HDAC5: variants seen among roughly 807,000 people sequenced by gnomAD.
HDAC5 encodes the protein histone deacetylase 5.
Under a neutral mutation model 133.3 loss-of-function variants are expected in HDAC5, and 25 were observed. The ratio of observed to expected loss-of-function variants is 0.19; its 90% CI spans 0.14 to 0.26. The LOEUF (loss-of-function observed/expected upper bound fraction) is 0.26, where lower values mean the gene tolerates loss of function less well. HDAC5 is among the 10% of genes least tolerant of loss of function. The pLI, the probability that HDAC5 is intolerant of heterozygous loss-of-function variation, is 1.00. For synonymous variants in HDAC5, 589 were observed against 610.8 expected (o/e 0.96, Z 0.53); for missense variants, 1,041 against 1,460.5 (o/e 0.71, Z 4.68).
At chr17:44,120,814 C>G (rs1039909730) in intron 1 of HDAC5, among the ~76,000 whole-genome samples, 3 of 151,938 alleles carry the variant, frequency 2.0e-5, no homozygotes, top group African/African-American at 7.2e-5. Flanking sequence ...TATCTTGACC[C>G]CTCCTGACCA....
intron 3 of HDAC5, among the ~76,000 whole-genome samples, chr17:44,094,951 G>A (rs940230104): frequency 2.0e-5 from 3 of 151,966 alleles, no homozygotes; most frequent in Admixed American, 6.6e-5. Context: ...GCATGCCAAT[G>A]CACCAGGCTA....
intron 3 of HDAC5, among the ~76,000 whole-genome samples, chr17:44,100,375 TG>T (rs1185278682): frequency 4.6e-5 from 7 of 151,958 alleles, no homozygotes; most frequent in Admixed American, 3.9e-4. Context: ...TGGCACAGTG[TG>T]GACCTGCCTG....
intron 3 of HDAC5, among the ~76,000 whole-genome samples, chr17:44,095,775 AG>A (rs1336170072): frequency 6.6e-6 from 1 of 152,212 alleles, no homozygotes; most frequent in South Asian, 2.1e-4. Flanking sequence ...AGGAAAGGAA[AG>A]GGAATCAGAC....
rs761363392 is a variant in HDAC5 at position 44,078,597 on chromosome 17, C to T, written c.3232G>A (p.Gly1078Ser). ...LGRSLREAQAGETEEAETVSA... is the reference protein window; with the variant it reads ...LGRSLREAQASETEEAETVSA... ...ACAGTCTCGGCCTCCTCGGTCTCAC[C>T]TGCTTGGGCCTCTCGCAGGGACCGG... The change falls in exon 26 of 27, where the codon GGT becomes AGT. Residue 1078 changes from glycine to serine, a missense_variant. By Grantham distance (56) the Gly-to-Ser change is moderately conservative. Around this residue, in one of 9 missense-constraint regions of HDAC5, gnomAD observed 95 missense variants for 107.3 expected, o/e 0.88. Coordinates refer to ENST00000682912, the MANE Select transcript of HDAC5 (RefSeq NM_005474.5). 3 of 1,609,300 alleles carry T rather than the reference C, an allele frequency of 1.9e-6. No individual in the cohort carries two copies. Among genetic ancestry groups the T allele is most frequent in the Non-Finnish European group, 2.5e-6 (3 of 1,179,990 alleles).
At position 44,090,508 on chromosome 17, in the gene HDAC5, G is replaced by C. The variant is rs551630642; in HGVS notation, c.1387+762C>G. On this transcript the variant is annotated intron_variant, in intron 11 of 26. Coordinates refer to ENST00000682912, the MANE Select transcript of HDAC5 (RefSeq NM_005474.5). ...TCCTGCCTCAGCCTCCCGAGTAGCT[G>C]GGATTACAGGTGCCCGCCACCACGC... is the stretch of plus-strand genomic sequence containing the variant. 1.8e-4 allele frequency among the ~76,000 whole-genome samples: 27 copies of C among 151,444 alleles called. No homozygotes were observed. The South Asian group carries it at 5.7e-3, about 32-fold the overall frequency.
chr17:44,092,386 G>T lies in HDAC5; in HGVS notation c.914C>A (p.Pro305His). ...KRAVEITGAG[P>H]GASSVCNSAP... ...TACATGAGAGCAGCCCTTACCCCCA[G>T]GCCCGGCACCTGTGATCTCAACAGC... The change falls in exon 8 of 27, where the codon CCT becomes CAT. Residue 305 changes from proline (P) to histidine (H), a missense_variant. By Grantham distance (77) the Pro-to-His change is moderately conservative. Transcript: ENST00000682912. The T allele has an allele frequency of 1.2e-6, 2 of 1,612,428 alleles. No homozygotes were observed. Among genetic ancestry groups the T allele is most frequent in the Non-Finnish European group, 8.5e-7 (1 of 1,178,654 alleles).
At position 44,091,354 on chromosome 17, in the gene HDAC5, C is replaced by T. The variant is rs2143250660; in HGVS notation, c.1303G>A (p.Asp435Asn). 4 of 1,603,570 alleles carry T rather than the reference C, an allele frequency of 2.5e-6. No individual in the cohort carries two copies. Among genetic ancestry groups the T allele is most frequent in the South Asian group, 1.1e-5 (1 of 89,480 alleles). The change falls in exon 11 of 27, where the codon GAC becomes AAC. Residue 435 changes from aspartate to asparagine, a missense_variant. Coordinates refer to ENST00000682912, the MANE Select transcript of HDAC5 (RefSeq NM_005474.5). ...GCLLGVALEG[D>N]GSPHGHASLL... is the part of the protein sequence containing the mutation. ...GAGGCATGCCCGTGGGGGCTCCCGT[C>T]GCCCTCCAGTGCCACGCCCAGCAGG...
rs1484898348 is a variant in HDAC5 at position 44,107,920 on chromosome 17, C to T, written c.94+2809G>A. The stretch of plus-strand genomic sequence containing the variant: ...CTCCATGCCATCTCATAAAGTCCTG[C>T]GTATTGTCTGGGCATCAGCTCCACC... On this transcript the variant is annotated intron_variant, in intron 3 of 26. Coordinates refer to ENST00000682912, the MANE Select transcript of HDAC5 (RefSeq NM_005474.5). Among the ~76,000 whole-genome samples, 5 of 152,152 alleles carry T rather than the reference C, an allele frequency of 3.3e-5. No individual in the cohort carries two copies. In the South Asian group the frequency reaches 8.3e-4, roughly 25 times the overall value.
rs1254082898 is a variant in HDAC5, at chr17:44,092,722, C to A, written c.726G>T (p.Leu242Phe). 6.7e-7 allele frequency: 1 copy of A among 1,484,718 alleles called. No individual in the cohort carries two copies. The allele number at this position is 1,484,718 out of a possible 1,614,324, so 92.0% of individuals were successfully genotyped here. The change falls in exon 7 of 27, where the codon TTG (leucine) becomes TTT (phenylalanine). Residue 242 changes from leucine (L) to phenylalanine (F), a missense_variant. Around this residue, in one of 9 missense-constraint regions of HDAC5, gnomAD observed 56 missense variants for 41.3 expected, o/e 1.36. Transcript: ENST00000682912. ...CGTCTCGACTGTCGTAGGGCCCAGGCAAAGGCAGTTTGTAGGAGGGAGGCG... is the reference window on the plus strand; with the variant it reads ...CGTCTCGACTGTCGTAGGGCCCAGGAAAAGGCAGTTTGTAGGAGGGAGGCG... ...PGTPPSYKLP[L>F]PGPYDSRDDF...
chr17:44,085,448 G>C, intron 14 of HDAC5: 1 of 257,260 alleles, frequency 3.9e-6, no homozygotes, highest in Non-Finnish European at 7.4e-6. Context: ...CTGGGCTCAA[G>C]CGATCCTCCC....
rs1265050815 is a variant in HDAC5 at position 44,117,093 on chromosome 17, A to G, written c.22+401T>C. ...CATTCCACTAAGTAAAGAAGCCACCATCACGAAAAGGAAGCTGAGCATTCT... is the reference window on the plus strand; with the variant it reads ...CATTCCACTAAGTAAAGAAGCCACCGTCACGAAAAGGAAGCTGAGCATTCT... On this transcript the variant is annotated intron_variant, in intron 2 of 26. Transcript: ENST00000682912. The surrounding 1 kb of genome is among the most constrained non-coding windows in gnomAD (Gnocchi z 4.2). 2.0e-5 allele frequency among the ~76,000 whole-genome samples: 3 copies of G among 152,222 alleles called. No homozygotes were observed. The highest frequency in any genetic ancestry group is 7.2e-5 in the African/African-American group (3 of 41,446).
chr17:44,088,250 C>A (rs969974938), intron 12 of HDAC5, 137 bp downstream of exon 12: 3 of 1,347,784 alleles, frequency 2.2e-6, no homozygotes, highest in Admixed American at 2.5e-5. Context: ...TGACCTCAGG[C>A]GATCTGCCCA....
At chr17:44,118,613 G>A in intron 1 of HDAC5, among the ~76,000 whole-genome samples, 1 of 152,156 alleles carries the variant, frequency 6.6e-6, no homozygotes, top group African/African-American at 2.4e-5. Context: ...CTCCCCCACA[G>A]TTAGTCCTCA....
chr17:44,088,361 C>A, intron 12 of HDAC5, 26 bp downstream of exon 12: 1 of 1,544,566 alleles, frequency 6.5e-7, no homozygotes, highest in Middle Eastern at 2.2e-4. Flanking sequence ...ACCACAGCCC[C>A]AGGCCATTCA....
At chr17:44,111,498 G>A (rs1366617578) in intron 2 of HDAC5, 6 of 455,350 alleles carry the variant, frequency 1.3e-5, no homozygotes, top group African/African-American at 4.0e-5. Flanking sequence ...ATCTGGGAGC[G>A]GCTCTGGCTG....
chr17:44,080,393 G>A lies in HDAC5; in HGVS notation c.2825+8C>T. ...CCACTGACTACCATGGCCCTTTTCA[G>A]TCCCTACCTGAAGGCTGTAAGGTAC... On this transcript the variant is annotated splice_region_variant and intron_variant, in intron 22 of 26. Transcript: ENST00000682912. 6.2e-7 allele frequency: 1 copy of A among 1,613,064 alleles called. No homozygotes were observed. Among genetic ancestry groups the A allele is most frequent in the Non-Finnish European group, 8.5e-7 (1 of 1,179,118 alleles).
At chr17:44,122,805 T>TG (rs902775053) in intron 1 of HDAC5, among the ~76,000 whole-genome samples, 4 of 151,580 alleles carry the variant, frequency 2.6e-5, no homozygotes, top group African/African-American at 9.7e-5. Context: ...GGATGAAAAA[T>TG]GGGGGGCATC....
In HDAC5 at chr17:44,083,837, T is replaced by G. The variant is rs372180775; in HGVS notation, c.2323A>C (p.Met775Leu). 2.3e-4 allele frequency: 344 copies of G among 1,513,176 alleles called. No individual in the cohort carries two copies. The highest frequency in any genetic ancestry group is 3.0e-4 in the Non-Finnish European group (337 of 1,118,130). 93.7% of individuals were successfully genotyped at this position (1,513,176 alleles called of 1,614,324 possible). Residue 775 changes from methionine to leucine, a missense_variant, in exon 17 of 27, where the codon ATG (methionine) becomes CTG (leucine). Physicochemically the swap from Met to Leu is conservative, Grantham distance 15. Around this residue, in one of 9 missense-constraint regions of HDAC5, gnomAD observed 31 missense variants for 27.0 expected, o/e 1.15. Transcript: ENST00000682912. The stretch of plus-strand genomic sequence containing the variant: ...CCCCCACAAGGCAGCACAGCATACA[T>G]CTTCTGGCTGATGGGGCCTGCATGG... Reference protein sequence around the residue: ...KKLLGPISQKMYAVLPCGGIG... With the variant: ...KKLLGPISQKLYAVLPCGGIG...
Position 44,080,435 on chromosome 17 carries a change from G to C in HDAC5, c.2791C>G (p.Pro931Ala). 6.2e-7 allele frequency: 1 copy of C among 1,614,096 alleles called. No homozygotes were observed. The highest frequency in any genetic ancestry group is 1.1e-5 in the South Asian group (1 of 91,084). The change falls in exon 22 of 27, where the codon CCC becomes GCC. Residue 931 changes from proline (P) to alanine (A), a missense_variant. Transcript: ENST00000682912. ...NVAWTGGVDPPIGDVEYLTAF... is the reference protein window; with the variant it reads ...NVAWTGGVDPAIGDVEYLTAF... ...GTAAGGTACTCCACGTCTCCAATGGGGGGGTCCACACCTCCTGTCCATGCC... is the reference window on the plus strand; with the variant it reads ...GTAAGGTACTCCACGTCTCCAATGGCGGGGTCCACACCTCCTGTCCATGCC...
Sources: gnomAD v4.1 joint callset for allele counts (sites outside exome capture counted in the v4.1 genomes callset) on GRCh38, gnomAD v4.1.1 for gene constraint, gnomAD v4.1.1 regional missense constraint, Gnocchi (gnomAD v3.1) non-coding constraint, MANE v1.5 for transcripts, NCBI Gene and HGNC (gene_info 2026-07-23, HGNC 2026-07-21) for gene names.